The following MOB3A variants were observed in gnomAD, a reference collection of about 807,000 sequenced individuals.
The protein encoded by MOB3A is MOB LAK.
MOB3A carries 17 observed loss-of-function variants against 17.8 expected under a neutral mutation model. The ratio of observed to expected loss-of-function variants is 0.95; its 90% CI spans 0.65 to 1.43. MOB3A has a LOEUF of 1.43. Among genes scored for constraint, MOB3A ranks in the 40% most tolerant of loss-of-function variants. The pLI, the probability that MOB3A is intolerant of heterozygous loss-of-function variation, is 0.00. For missense variants in MOB3A, 333 were observed against 310.8 expected, an observed-to-expected ratio of 1.07 and a Z score of -0.54; for synonymous variants, 124 against 133.2, an observed-to-expected ratio of 0.93 and a Z score of 0.48.
At position 2,078,285 on chromosome 19, in the gene MOB3A, C is replaced by T. The variant is rs775584996; in HGVS notation, c.276G>A (p.Ser92=). ...AGCGGTACTCATACTTGGGGCCCCC[C>T]GACATGACGGGGCAGGACTGCTCCG... The part of the protein sequence containing the change: ...GCTEQSCPVM[S]GGPKYEYRWQ... The change falls in exon 3 of 5, where the codon TCG becomes TCA. Residue 92 remains serine (S), a synonymous_variant. Transcript: ENST00000357066. The T allele has an allele frequency of 1.1e-5, 18 of 1,614,010 alleles. No homozygotes were observed. The highest frequency in any genetic ancestry group is 1.4e-5 in the Non-Finnish European group (17 of 1,180,016).
At chr19:2,077,519 T>C (rs1225919635) in intron 3 of MOB3A, among the ~76,000 whole-genome samples, 2 of 152,138 alleles carry the variant, frequency 1.3e-5, no homozygotes, top group Non-Finnish European at 2.9e-5. Flanking sequence ...TGCAGTGCAT[T>C]ACACATCGAG....
At chr19:2,080,439 G>A (rs560911927) in intron 2 of MOB3A, among the ~76,000 whole-genome samples, 7 of 151,766 alleles carry the variant, frequency 4.6e-5, no homozygotes, top group Admixed American at 1.3e-4. Context: ...GTGCAGTAGC[G>A]CGATCTCAGC....
chr19:2,086,752 G>C (rs540666651), intron 1 of MOB3A, among the ~76,000 whole-genome samples: 17 of 152,196 alleles, frequency 1.1e-4, no homozygotes, highest in Middle Eastern at 3.4e-3. Flanking sequence ...TGATCACCCA[G>C]GCGTGCATCC....
intron 3 of MOB3A, 81 bp from the exon 4 acceptor site, chr19:2,077,094 G>A (rs1599402888): frequency 7.7e-7 from 1 of 1,296,904 alleles, no homozygotes; most frequent in East Asian, 2.5e-5. Flanking sequence ...TGTGACAAGG[G>A]GCTTCCAGAC....
chr19:2,084,080 T>C, intron 2 of MOB3A: 1 of 465,120 alleles, frequency 2.1e-6, no homozygotes, highest in South Asian at 1.5e-5. Context: ...CTGAGGCTTA[T>C]CTTTGTCTAT....
chr19:2,095,136 T>C, intron 1 of MOB3A: 1 of 152,378 alleles, frequency 6.6e-6, no homozygotes, highest in South Asian at 2.0e-4. Flanking sequence ...GCGCCACTGC[T>C]CTCCAGCCTG....
Position 2,096,264 on chromosome 19 carries a change from C to T in MOB3A, c.-312G>A. The T allele has an allele frequency of 6.4e-6, 1 of 157,382 alleles. No homozygotes were observed. Among genetic ancestry groups the T allele is most frequent in the Non-Finnish European group, 1.4e-5 (1 of 70,970 alleles). 9.7% of individuals were successfully genotyped at this position (157,382 alleles called of 1,614,324 possible). ...CCGCCCGCCTTCGCCCCTCCCGGTACCCAACTGGCCGCCTCGGCCGCCTCA... is the reference window on the plus strand; with the variant it reads ...CCGCCCGCCTTCGCCCCTCCCGGTATCCAACTGGCCGCCTCGGCCGCCTCA... On this transcript the variant is annotated 5_prime_UTR_variant, in exon 1 of 5. Transcript: ENST00000357066.
chr19:2,078,807 G>A, intron 2 of MOB3A, 128 bp from the exon 3 acceptor site: 2 of 460,494 alleles, frequency 4.3e-6, no homozygotes, highest in Admixed American at 3.9e-5. Context: ...TGCCCCGGCT[G>A]GAGTACAGTG....
intron 1 of MOB3A, among the ~76,000 whole-genome samples, chr19:2,090,851 A>T (rs1247762141): frequency 3.9e-5 from 6 of 152,030 alleles, no homozygotes; most frequent in Admixed American, 3.9e-4. Flanking sequence ...TTTAGTAGAG[A>T]CGGGGTTTCA....
At chr19:2,086,778 C>T (rs2017558887) in intron 1 of MOB3A, among the ~76,000 whole-genome samples, 2 of 151,778 alleles carry the variant, frequency 1.3e-5, no homozygotes, top group South Asian at 2.1e-4. Context: ...CTGTTTTGTG[C>T]TTTTGTCTGG....
intron 1 of MOB3A, among the ~76,000 whole-genome samples, chr19:2,094,998 C>G (rs1007686088): frequency 3.3e-5 from 5 of 152,306 alleles, no homozygotes; most frequent in African/African-American, 1.2e-4. Context: ...TGGCGAAACT[C>G]CGTCTCTACT....
Position 2,078,658 on chromosome 19 carries a change from GC to G in MOB3A, c.-99del. On this transcript the variant is annotated 5_prime_UTR_variant, in exon 3 of 5. Transcript: ENST00000357066. ...CGAGAGGCCACGAAACACTCACCAAGCCCCACAGCTCTCCCGCGGACCTGAA... is the reference window on the plus strand; with the variant it reads ...CGAGAGGCCACGAAACACTCACCAAGCCCACAGCTCTCCCGCGGACCTGAA... 1 of 1,207,932 alleles carries G rather than the reference GC, an allele frequency of 8.3e-7. No individual in the cohort carries two copies. 74.8% of individuals were successfully genotyped at this position (1,207,932 alleles called of 1,614,324 possible). A position where few individuals can be genotyped will look rare whatever the true frequency, so the allele number is the denominator to read the frequency against.
intron 1 of MOB3A, among the ~76,000 whole-genome samples, chr19:2,086,359 TTTTTTA>T (rs1340078953): frequency 2.0e-5 from 3 of 149,034 alleles, no homozygotes; most frequent in African/African-American, 7.4e-5. Context: ...TTATTTTTAC[TTTTTTA>T]TTTTTATTTT....
intron 2 of MOB3A, among the ~76,000 whole-genome samples, chr19:2,083,004 T>TTTG (rs66459718): frequency 1.9e-4 from 29 of 151,814 alleles, no homozygotes; most frequent in Admixed American, 1.9e-3. Context: ...CAGTTAATTT[T>TTTG]TTGTTGTTGT....
chr19:2,086,010 C>G (rs1049040716), intron 1 of MOB3A, among the ~76,000 whole-genome samples: 13 of 150,316 alleles, frequency 8.6e-5, no homozygotes, highest in African/African-American at 3.2e-4. Context: ...AGCCACCTTC[C>G]AAAATCTGAG....
chr19:2,085,976 A>G (rs2017549062), intron 1 of MOB3A, among the ~76,000 whole-genome samples: 1 of 150,818 alleles, frequency 6.6e-6, no homozygotes, highest in Non-Finnish European at 1.5e-5. Flanking sequence ...AAAAAAAAAA[A>G]AAAAAAAAAA....
At chr19:2,080,596 C>T (rs894553974) in intron 2 of MOB3A, among the ~76,000 whole-genome samples, 2 of 152,062 alleles carry the variant, frequency 1.3e-5, no homozygotes, top group African/African-American at 4.8e-5. Flanking sequence ...AGGCTGGTCT[C>T]GAATTCCTGA....
chr19:2,079,940 GTCC>G (rs1599405051), intron 2 of MOB3A, among the ~76,000 whole-genome samples: 1 of 152,190 alleles, frequency 6.6e-6, no homozygotes, highest in African/African-American at 2.4e-5. Context: ...GGGACCCGGC[GTCC>G]TCCTACTCCC....
At chr19:2,088,763 C>T (rs749474626) in intron 1 of MOB3A, among the ~76,000 whole-genome samples, 11 of 152,050 alleles carry the variant, frequency 7.2e-5, no homozygotes, top group Non-Finnish European at 1.2e-4. Context: ...CCACCACACC[C>T]GGCAATTTTT....
Sources: allele counts gnomAD v4.1 joint callset (sites outside exome capture counted in the v4.1 genomes callset), GRCh38; gene constraint gnomAD v4.1.1; transcripts MANE v1.5; gene names NCBI Gene and HGNC (gene_info 2026-07-23, HGNC 2026-07-21).